The following PHAX variants were observed in gnomAD, a reference collection of about 807,000 sequenced individuals.
PHAX encodes phosphorylated adaptor for RNA export.
In PHAX, 31 loss-of-function variants were observed where a neutral mutation model predicts 41.6. That is an observed-to-expected ratio of 0.75 (90% CI 0.56 to 1.01). The LOEUF (loss-of-function observed/expected upper bound fraction) is 1.01. Ranked by LOEUF, PHAX falls within the 50% of genes least tolerant of loss-of-function variation. The probability of loss-of-function intolerance (pLI) is 0.00; values close to 1 mark genes in which losing one functional copy is unlikely to be tolerated. For missense variants in PHAX, 453 were observed against 472.9 expected (o/e 0.96, Z 0.39); for synonymous variants, 175 against 164.9 (o/e 1.06, Z -0.47).
At position 126,604,153 on chromosome 5, in the gene PHAX, A is replaced by G. The variant is rs1179756323; in HGVS notation, c.680A>G (p.Gln227Arg). 3 of 1,535,912 alleles carry G rather than the reference A, an allele frequency of 2.0e-6. No individual in the cohort carries two copies. Among genetic ancestry groups the G allele is most frequent in the Middle Eastern group, 1.7e-4 (1 of 5,722 alleles). ...GRYEITAEDS[Q>R]EKVADEISFR... is the part of the protein sequence containing the mutation. ...TACGAGATCACAGCGGAAGATTCTC[A>G]AGAGAAAGTGGCTGATGAAATTTCA... is the stretch of plus-strand genomic sequence containing the variant. Residue 227 changes from glutamine (Q) to arginine (R), a missense_variant, in exon 2 of 5, where the codon CAA (glutamine) becomes CGA (arginine). Gln to Arg is a conservative substitution (Grantham distance 43). Coordinates refer to ENST00000297540, the MANE Select transcript of PHAX (RefSeq NM_032177.4).
rs1752366740 is a variant in PHAX at position 126,626,985 on chromosome 5, GTAGTT to G, written c.*2145_*2149del. On this transcript the variant is annotated 3_prime_UTR_variant, in exon 5 of 5. Transcript: ENST00000297540. Reference sequence around the variant, plus strand: ...CATTTTTATTAATGAAGAAAATAAGGTAGTTTAGACATTCCAAGAGTTAACTATAG... The same window carrying G: ...CATTTTTATTAATGAAGAAAATAAGGTAGACATTCCAAGAGTTAACTATAG... 6.6e-6 allele frequency: 1 copy of G among 152,094 alleles called. No individual in the cohort carries two copies. The highest frequency in any genetic ancestry group is 6.6e-5 in the Admixed American group (1 of 15,252). 9.4% of individuals were successfully genotyped at this position (152,094 alleles called of 1,614,324 possible). A position where few individuals can be genotyped will look rare whatever the true frequency, so the allele number is the denominator to read the frequency against.
At chr5:126,619,757 G>T (rs539695854) in intron 4 of PHAX, among the ~76,000 whole-genome samples, 1 of 152,002 alleles carries the variant, frequency 6.6e-6, no homozygotes, top group South Asian at 2.1e-4. Flanking sequence ...TATCTTTTAC[G>T]GACATTCTTC....
chr5:126,614,714 AC>A (rs1029624065), intron 3 of PHAX, among the ~76,000 whole-genome samples: 11 of 151,980 alleles, frequency 7.2e-5, no homozygotes, highest in African/African-American at 2.7e-4. Context: ...GTGAGAGGCT[AC>A]CCGGACCACA....
At position 126,600,959 on chromosome 5, in the gene PHAX, G is replaced by GA; in HGVS notation, c.-2dup. 1 of 1,602,832 alleles carries GA rather than the reference G, an allele frequency of 6.2e-7. No individual in the cohort carries two copies. The highest frequency in any genetic ancestry group is 8.5e-7 in the Non-Finnish European group (1 of 1,174,572). ...CGCTGTGCAGCGCAGCGCACCGCGG[G>GA]AAGATGGCGTTGGAGGTCGGCGATA... is the stretch of plus-strand genomic sequence containing the variant. On this transcript the variant is annotated 5_prime_UTR_variant, in exon 1 of 5. Coordinates refer to ENST00000297540, the MANE Select transcript of PHAX (RefSeq NM_032177.4).
intron 3 of PHAX, 96 bp from the exon 4 acceptor site, chr5:126,617,153 AT>A (rs1752198679): frequency 3.2e-6 from 2 of 622,800 alleles, no homozygotes. Context: ...CAGATCTGGT[AT>A]TTCTTCTATC....
At chr5:126,614,121 G>A (rs1471872713) in intron 3 of PHAX, among the ~76,000 whole-genome samples, 1 of 151,780 alleles carries the variant, frequency 6.6e-6, no homozygotes, top group African/African-American at 2.4e-5. Context: ...ATATATTTGA[G>A]ACAGTCTTGC....
In PHAX at chr5:126,625,087, T is replaced by C; in HGVS notation, c.*243T>C. 1 of 449,816 alleles carries C rather than the reference T, an allele frequency of 2.2e-6. No individual in the cohort carries two copies. Among genetic ancestry groups the C allele is most frequent in the Non-Finnish European group, 3.9e-6 (1 of 255,486 alleles). The allele number at this position is 449,816 out of a possible 1,614,324, so 27.9% of individuals were successfully genotyped here. A position where few individuals can be genotyped will look rare whatever the true frequency, so the allele number is the denominator to read the frequency against. ...TTTCTCAATCTGTTGCATGTGCTAA[T>C]TATGAGTATTACTAGTTGATAATCA... On this transcript the variant is annotated 3_prime_UTR_variant, in exon 5 of 5. Coordinates refer to ENST00000297540, the MANE Select transcript of PHAX (RefSeq NM_032177.4).
intron 1 of PHAX, among the ~76,000 whole-genome samples, chr5:126,602,451 G>GA (rs1259504127): frequency 6.6e-6 from 1 of 152,244 alleles, no homozygotes; most frequent in Non-Finnish European, 1.5e-5. Flanking sequence ...TTATTGCAAG[G>GA]ATTCTGTGGA....
chr5:126,607,677 A>G (rs2112830813), intron 2 of PHAX, among the ~76,000 whole-genome samples: 1 of 152,290 alleles, frequency 6.6e-6, no homozygotes, highest in African/African-American at 2.4e-5. Context: ...TGCTGGGATT[A>G]TAGGTGTGAG....
At position 126,603,920 on chromosome 5, in the gene PHAX, C is replaced by G. The variant is rs112951341; in HGVS notation, c.447C>G (p.Ser149=). Residue 149 remains serine (S), a synonymous_variant, in exon 2 of 5, where the codon TCC becomes TCG. Transcript: ENST00000297540. ...MEGTIDRSRQ[S]ETYNYLLAKK... is the part of the protein sequence containing the mutation. ...GCACTATTGACAGAAGCAGACAATC[C>G]GAGACCTACAATTATTTGCTTGCCA... 1.9e-6 allele frequency: 3 copies of G among 1,613,840 alleles called. No individual in the cohort carries two copies. Among genetic ancestry groups the G allele is most frequent in the African/African-American group, 2.7e-5 (2 of 74,824 alleles).
intron 1 of PHAX, 58 bp downstream of exon 1, chr5:126,601,116 G>A (rs2112826772): frequency 1.6e-6 from 2 of 1,280,366 alleles, no homozygotes; most frequent in East Asian, 5.2e-5. Flanking sequence ...TGGGCCCCGG[G>A]GAGCGCGCAG....
intron 4 of PHAX, among the ~76,000 whole-genome samples, 168 bp from the exon 5 acceptor site, chr5:126,624,407 C>T (rs1752316107): frequency 6.6e-6 from 1 of 152,160 alleles, no homozygotes; most frequent in Non-Finnish European, 1.5e-5. Context: ...CAGTTTCAAT[C>T]TTGCAATGAG....
chr5:126,606,713 A>C (rs1250271703), intron 2 of PHAX, among the ~76,000 whole-genome samples: 1 of 151,832 alleles, frequency 6.6e-6, no homozygotes, highest in Non-Finnish European at 1.5e-5. Flanking sequence ...GTGCAGTGGC[A>C]TGATCTCAGC....
Position 126,624,640 on chromosome 5 carries a change from A to C in PHAX, c.981A>C (p.Thr327=), listed in dbSNP as rs571167068. 10 of 1,613,528 alleles carry C rather than the reference A, an allele frequency of 6.2e-6. No individual in the cohort carries two copies. The highest frequency in any genetic ancestry group is 8.5e-6 in the Non-Finnish European group (10 of 1,179,484). The change falls in exon 5 of 5, where the codon ACA becomes ACC. Residue 327 remains threonine, a synonymous_variant. Coordinates refer to ENST00000297540, the MANE Select transcript of PHAX (RefSeq NM_032177.4). Reference sequence around the variant, plus strand: ...AAAAAGCTGCTAGGAAGAGGAGAACACAAGTGTTGGGGAAAAAGATGAAAC... The same window carrying C: ...AAAAAGCTGCTAGGAAGAGGAGAACCCAAGTGTTGGGGAAAAAGATGAAAC... ...ENKKAARKRR[T]QVLGKKMKQA...
chr5:126,606,674 CAG>C (rs1198724407), intron 2 of PHAX, among the ~76,000 whole-genome samples: 11 of 152,048 alleles, frequency 7.2e-5, no homozygotes, highest in Admixed American at 3.9e-4. Context: ...TTGTTTTAGA[CAG>C]AGTCTCACTC....
intron 3 of PHAX, among the ~76,000 whole-genome samples, chr5:126,614,145 G>A: frequency 6.6e-6 from 1 of 151,826 alleles, no homozygotes; most frequent in Non-Finnish European, 1.5e-5. Context: ...GTCACCCAGG[G>A]TGGAGTACAG....
At chr5:126,605,602 T>C (rs1322278453) in intron 2 of PHAX, among the ~76,000 whole-genome samples, 2 of 152,106 alleles carry the variant, frequency 1.3e-5, no homozygotes, top group Non-Finnish European at 2.9e-5. Flanking sequence ...TTCATTATGT[T>C]GGCCGGACTG....
In PHAX at chr5:126,617,305, C is replaced by T. The variant is rs1434112001; in HGVS notation, c.887C>T (p.Thr296Ile). The T allele has an allele frequency of 6.2e-6, 10 of 1,609,026 alleles. No homozygotes were observed. Among genetic ancestry groups the T allele is most frequent in the Admixed American group, 1.7e-5 (1 of 59,746 alleles). The stretch of plus-strand genomic sequence containing the variant: ...GTTTTTCTGAATCTCTTGAAAAACA[C>T]TCCTAGTATCAGCGAGGAACAAATT... ...GGVFLNLLKN[T>I]PSISEEQIKD... is the part of the protein sequence containing the mutation. Residue 296 changes from threonine (T) to isoleucine (I), a missense_variant, in exon 4 of 5, where the codon ACT becomes ATT. Thr to Ile is a moderately conservative substitution (Grantham distance 89). Transcript: ENST00000297540.
At position 126,626,791 on chromosome 5, in the gene PHAX, ATC is replaced by A. The variant is rs1752362253; in HGVS notation, c.*1950_*1951del. The A allele has an allele frequency of 6.7e-6, 1 of 148,264 alleles. No homozygotes were observed. The highest frequency in any genetic ancestry group is 2.5e-5 in the African/African-American group (1 of 39,828). 9.2% of individuals were successfully genotyped at this position (148,264 alleles called of 1,614,324 possible). A position where few individuals can be genotyped will look rare whatever the true frequency, so the allele number is the denominator to read the frequency against. On this transcript the variant is annotated 3_prime_UTR_variant, in exon 5 of 5. Transcript: ENST00000297540. ...CCGGGCATTGTGGTGCATGCCTGTA[ATC>A]TCAGCTATTTGGGAGGCCGAGGCAG...
Sources: gnomAD v4.1 joint callset for allele counts (sites outside exome capture counted in the v4.1 genomes callset) on GRCh38, gnomAD v4.1.1 for gene constraint, MANE v1.5 for transcripts, NCBI Gene and HGNC (gene_info 2026-07-23, HGNC 2026-07-21) for gene names.